PRDM16: variants seen among roughly 807,000 people sequenced by gnomAD.
PRDM16 encodes the protein histone-lysine N-methyltransferase PRDM16.
In PRDM16, 23 loss-of-function variants were observed where a neutral mutation model predicts 110.6. The ratio of observed to expected loss-of-function variants is 0.21; its 90% confidence interval spans 0.15 to 0.29. PRDM16 has a LOEUF of 0.29. Among genes scored for constraint, PRDM16 ranks in the 10% least tolerant of loss-of-function variants. The pLI is 1.00. For synonymous variants in PRDM16, 799 were observed against 781.8 expected (o/e 1.02, Z -0.37); for missense variants, 1,615 against 1,794.3 (o/e 0.90, Z 1.81).
At chr1:3,094,824 T>C (rs1642357760) in intron 1 of PRDM16, among the ~76,000 whole-genome samples, 2 of 152,142 alleles carry the variant, frequency 1.3e-5, no homozygotes, top group African/African-American at 4.8e-5. Context: ...GCCTTGTCCC[T>C]GCTGCGGTTG....
intron 1 of PRDM16, among the ~76,000 whole-genome samples, chr1:3,126,049 G>T (rs952066805): frequency 5.3e-5 from 8 of 152,352 alleles, no homozygotes; most frequent in Middle Eastern, 3.4e-3. Context: ...CATTGATCGG[G>T]CTGGCTCGTC....
intron 1 of PRDM16, among the ~76,000 whole-genome samples, chr1:3,162,301 G>A (rs1005420507): frequency 1.3e-5 from 2 of 151,728 alleles, no homozygotes; most frequent in African/African-American, 2.4e-5. Flanking sequence ...CTCATCACCC[G>A]CCACAGAAAC....
intron 1 of PRDM16, among the ~76,000 whole-genome samples, chr1:3,154,901 A>G (rs991880667): frequency 4.6e-5 from 7 of 152,218 alleles, no homozygotes; most frequent in African/African-American, 1.7e-4. Context: ...GTCTTAAAAA[A>G]CAAAGCAAGA....
chr1:3,422,916 G>A (rs1469235404), intron 12 of PRDM16, among the ~76,000 whole-genome samples: 3 of 152,206 alleles, frequency 2.0e-5, no homozygotes, highest in African/African-American at 7.2e-5. Context: ...CAGGAGCAGG[G>A]GCTCCCAGAG....
chr1:3,140,753 C>G (rs1419529194), intron 1 of PRDM16, among the ~76,000 whole-genome samples: 1 of 152,246 alleles, frequency 6.6e-6, no homozygotes, highest in Non-Finnish European at 1.5e-5. Context: ...ACGCGTCCCT[C>G]TCTGCATCCC....
chr1:3,435,139 C>T lies in PRDM16; in HGVS notation c.*1328C>T, dbSNP rs971216161. The T allele has an allele frequency of 4.4e-6, 1 of 226,708 alleles. No homozygotes were observed. Among genetic ancestry groups the T allele is most frequent in the Non-Finnish European group, 8.8e-6 (1 of 114,012 alleles). The allele number at this position is 226,708 out of a possible 1,614,324, so 14.0% of individuals were successfully genotyped here. On this transcript the variant is annotated 3_prime_UTR_variant, in exon 17 of 17. Transcript: ENST00000270722. ...CTCTTGGGACGCAACTTCTTCCCCA[C>T]TCGGATGGGCTTTAAATTATTCCCA... is the stretch of plus-strand genomic sequence containing the variant.
intron 1 of PRDM16, among the ~76,000 whole-genome samples, chr1:3,097,310 C>T (rs750905415): frequency 1.3e-5 from 2 of 152,206 alleles, no homozygotes; most frequent in Admixed American, 1.3e-4. Flanking sequence ...AAGGACGTGA[C>T]GGTGTCTGCC....
chr1:3,417,783 G>C (rs1331573412), intron 10 of PRDM16, 45 bp from the exon 11 acceptor site: 9 of 1,576,566 alleles, frequency 5.7e-6, no homozygotes, highest in Non-Finnish European at 7.8e-6. Flanking sequence ...CTGAAGACAG[G>C]TGAGAGTCAG....
Position 3,318,229 on chromosome 1 carries a change from TTA to T in PRDM16, c.439-66922_439-66921del, listed in dbSNP as rs1401461197. On this transcript the variant is annotated intron_variant, in intron 3 of 16. Coordinates refer to ENST00000270722, the MANE Select transcript of PRDM16 (RefSeq NM_022114.4). Reference sequence around the variant, plus strand: ...ACGTATAGGACTTTTAATAACTGTATTAAGAAGGTCTTCCGAGCTCCTTTCTG... The same window carrying T: ...ACGTATAGGACTTTTAATAACTGTATAGAAGGTCTTCCGAGCTCCTTTCTG... 3.3e-5 allele frequency among the ~76,000 whole-genome samples: 5 copies of T among 152,228 alleles called. No individual in the cohort carries two copies. The East Asian group carries it at 7.7e-4, about 23-fold the overall frequency.
chr1:3,181,602 A>G (rs1644192551), intron 1 of PRDM16, among the ~76,000 whole-genome samples: 1 of 147,568 alleles, frequency 6.8e-6, no homozygotes, highest in East Asian at 2.2e-4. Context: ...GGTCTTACAC[A>G]TGCAGTCTTA....
chr1:3,093,061 C>T (rs1395767353), intron 1 of PRDM16, among the ~76,000 whole-genome samples: 5 of 152,140 alleles, frequency 3.3e-5, no homozygotes, highest in African/African-American at 4.8e-5. Flanking sequence ...CCTGGCTGAC[C>T]GCCCTCAATA....
intron 3 of PRDM16, among the ~76,000 whole-genome samples, chr1:3,283,367 C>A (rs1450553522): frequency 6.6e-6 from 1 of 152,188 alleles, no homozygotes; most frequent in Non-Finnish European, 1.5e-5. Flanking sequence ...TTCTCCAATG[C>A]CCCTCCCTCT....
At chr1:3,097,772 G>A (rs1642439264) in intron 1 of PRDM16, among the ~76,000 whole-genome samples, 1 of 152,166 alleles carries the variant, frequency 6.6e-6, no homozygotes, top group Admixed American at 6.5e-5. Context: ...GTGTGAGGGG[G>A]CGGGAGGCAG....
chr1:3,374,003 C>A (rs1642951473), intron 3 of PRDM16, among the ~76,000 whole-genome samples: 1 of 152,270 alleles, frequency 6.6e-6, no homozygotes, highest in South Asian at 2.1e-4. Flanking sequence ...CTTCGGTGTC[C>A]TCCTGGAGGC....
At chr1:3,283,967 C>T (rs1640791576) in intron 3 of PRDM16, among the ~76,000 whole-genome samples, 1 of 152,334 alleles carries the variant, frequency 6.6e-6, no homozygotes, top group South Asian at 2.1e-4. Flanking sequence ...GACGCAGGCA[C>T]ATCGCAGGGT....
rs1553127233 is a variant in PRDM16, at chr1:3,114,179, A to ACG, written c.37+44884_37+44885insGC. 2.9e-4 allele frequency among the ~76,000 whole-genome samples: 20 copies of ACG among 70,116 alleles called. No homozygotes were observed. In the South Asian group the frequency reaches 3.1e-3, roughly 11 times the overall value. 46.0% of individuals were successfully genotyped at this position (70,116 alleles called of 152,430 possible). On this transcript the variant is annotated intron_variant, in intron 1 of 16. Coordinates refer to ENST00000270722, the MANE Select transcript of PRDM16 (RefSeq NM_022114.4). ...CACACACACACGCACACACACGCAC[A>ACG]CACACGCACACACGCACACGCACGC...
At chr1:3,072,381 T>A (rs1641785508) in intron 1 of PRDM16, among the ~76,000 whole-genome samples, 1 of 152,058 alleles carries the variant, frequency 6.6e-6, no homozygotes, top group Non-Finnish European at 1.5e-5. Context: ...TGAGGCCTGA[T>A]CCCCACCTAG....
chr1:3,187,429 C>G (rs140774417), intron 2 of PRDM16, among the ~76,000 whole-genome samples: 14 of 152,274 alleles, frequency 9.2e-5, no homozygotes, highest in Admixed American at 8.5e-4. Context: ...GATCCCCAGA[C>G]GGGTGGGGGC....
chr1:3,227,355 A>C (rs994594491), intron 2 of PRDM16, among the ~76,000 whole-genome samples: 4 of 152,282 alleles, frequency 2.6e-5, no homozygotes, highest in African/African-American at 7.2e-5. Flanking sequence ...AGAGTCCTGC[A>C]TCCTTGTCCC....
Sources: gnomAD v4.1 joint callset for allele counts (sites outside exome capture counted in the v4.1 genomes callset) on GRCh38, gnomAD v4.1.1 for gene constraint, MANE v1.5 for transcripts, NCBI Gene and HGNC (gene_info 2026-07-23, HGNC 2026-07-21) for gene names.